The following MYO3B variants were observed in gnomAD, a reference collection of about 807,000 sequenced individuals.
MYO3B encodes the protein myosin-IIIb.
A neutral mutation model predicts 174.6 loss-of-function variants in MYO3B; 156 were observed. That is an observed-to-expected ratio of 0.89 (90% CI 0.78 to 1.02). The LOEUF is 1.02. Among genes scored for constraint, MYO3B ranks in the 50% least tolerant of loss-of-function variants. The pLI, the probability that MYO3B is intolerant of heterozygous loss-of-function variation, is 0.00. For missense variants in MYO3B, 1,632 were observed against 1,639.4 expected, an observed-to-expected ratio of 1.00 and a Z score of 0.08; for synonymous variants, 563 against 569.1, an observed-to-expected ratio of 0.99 and a Z score of 0.15.
At chr2:170,434,377 T>G (rs1476853584) in intron 22 of MYO3B, among the ~76,000 whole-genome samples, 1 of 152,168 alleles carries the variant, frequency 6.6e-6, no homozygotes, top group Non-Finnish European at 1.5e-5. Context: ...GGCAAGGTAC[T>G]TCTGTATAGA....
At chr2:170,210,582 G>A (rs1364078821) in intron 3 of MYO3B, among the ~76,000 whole-genome samples, 1 of 152,120 alleles carries the variant, frequency 6.6e-6, no homozygotes, top group East Asian at 1.9e-4. Context: ...AATTCCTTAT[G>A]TCCCCAGGCC....
At chr2:170,405,669 G>T (rs372556788) in intron 21 of MYO3B, 36 bp downstream of exon 21, 3 of 1,582,346 alleles carry the variant, frequency 1.9e-6, no homozygotes, top group African/African-American at 1.4e-5. Context: ...ACCTGAATTT[G>T]GCAAAGGGTA....
chr2:170,217,529 G>A (rs2092844090), intron 6 of MYO3B, 134 bp downstream of exon 6: 2 of 778,240 alleles, frequency 2.6e-6, no homozygotes, highest in African/African-American at 1.7e-5. Context: ...AACTTTAAGA[G>A]TACTAGTTTG....
intron 30 of MYO3B, among the ~76,000 whole-genome samples, chr2:170,532,157 A>C (rs1689394396): frequency 6.6e-6 from 1 of 152,236 alleles, no homozygotes; most frequent in Non-Finnish European, 1.5e-5. Flanking sequence ...ACTTTTGTGG[A>C]TTTCTTGCCA....
chr2:170,358,218 A>G (rs928509647), intron 8 of MYO3B, among the ~76,000 whole-genome samples: 1 of 152,166 alleles, frequency 6.6e-6, no homozygotes, highest in African/African-American at 2.4e-5. Context: ...AGACGGATCA[A>G]CAAAATGTGG....
At chr2:170,592,661 T>G (rs1693887795) in intron 32 of MYO3B, among the ~76,000 whole-genome samples, 1 of 152,180 alleles carries the variant, frequency 6.6e-6, no homozygotes, top group African/African-American at 2.4e-5. Flanking sequence ...TCACTGACCA[T>G]AAGGTTCATG....
At chr2:170,461,911 G>A (rs1238230735) in intron 23 of MYO3B, among the ~76,000 whole-genome samples, 2 of 152,210 alleles carry the variant, frequency 1.3e-5, no homozygotes, top group African/African-American at 4.8e-5. Context: ...TTACAATTTA[G>A]CCAAAGGCTG....
chr2:170,622,729 C>G (rs997386413), intron 32 of MYO3B, among the ~76,000 whole-genome samples: 7 of 130,886 alleles, frequency 5.3e-5, no homozygotes, highest in Admixed American at 1.6e-4. Context: ...CCCCTCCCCC[C>G]ACCCCACAAC....
intron 6 of MYO3B, among the ~76,000 whole-genome samples, chr2:170,221,022 C>T (rs1009304046): frequency 6.6e-6 from 1 of 152,136 alleles, no homozygotes; most frequent in African/African-American, 2.4e-5. Flanking sequence ...CAAGAACAAC[C>T]TTCCATTTTT....
In MYO3B at chr2:170,557,326, A is replaced by C. The variant is rs556908365; in HGVS notation, c.3733+13338A>C. 1.8e-3 allele frequency among the ~76,000 whole-genome samples: 280 copies of C among 151,736 alleles called. 2 individuals carry two copies. The highest frequency in any genetic ancestry group is 5.0e-3 in the African/African-American group (208 of 41,374). On this transcript the variant is annotated intron_variant, in intron 32 of 34. Coordinates refer to ENST00000408978, the MANE Select transcript of MYO3B (RefSeq NM_138995.5). ...AGCTAATTTCTTGTATTTTTAGTAGAGATGGGGTTTCACTGTGTTAGCCAG... is the reference window on the plus strand; with the variant it reads ...AGCTAATTTCTTGTATTTTTAGTAGCGATGGGGTTTCACTGTGTTAGCCAG...
rs188028188 is a variant in MYO3B, at chr2:170,649,733, A to G, written c.3734-1895A>G. Reference sequence around the variant, plus strand: ...TCCCAGCTACTTGGGAGGCTGAGGCAGGAGAATAGCTTGAACCTGGGAGGT... The same window carrying G: ...TCCCAGCTACTTGGGAGGCTGAGGCGGGAGAATAGCTTGAACCTGGGAGGT... On this transcript the variant is annotated intron_variant, in intron 32 of 34. Coordinates refer to ENST00000408978, the MANE Select transcript of MYO3B (RefSeq NM_138995.5). Among the ~76,000 whole-genome samples the G allele has an allele frequency of 6.7e-3, 999 of 149,166 alleles. 9 individuals are homozygous for G. Among genetic ancestry groups the G allele is most frequent in the Non-Finnish European group, 8.7e-3 (589 of 67,540 alleles).
At chr2:170,463,617 C>A (rs925908296) in intron 24 of MYO3B, among the ~76,000 whole-genome samples, 172 bp downstream of exon 24, 8 of 152,162 alleles carry the variant, frequency 5.3e-5, no homozygotes, top group African/African-American at 1.9e-4. Context: ...GGCACAAAAC[C>A]CTGCCCATTA....
In MYO3B at chr2:170,654,140, A is replaced by G. The variant is rs1699162103; in HGVS notation, c.*1019A>G. Reference sequence around the variant, plus strand: ...CATACACTATAACCTCTGATTTTTCACTCAAGTTTGGGCTGATTATATTGT... The same window carrying G: ...CATACACTATAACCTCTGATTTTTCGCTCAAGTTTGGGCTGATTATATTGT... On this transcript the variant is annotated 3_prime_UTR_variant, in exon 35 of 35. Coordinates refer to ENST00000408978, the MANE Select transcript of MYO3B (RefSeq NM_138995.5). 1 of 152,080 alleles carries G rather than the reference A, an allele frequency of 6.6e-6. No homozygotes were observed. Among genetic ancestry groups the G allele is most frequent in the Non-Finnish European group, 1.5e-5 (1 of 67,996 alleles). The allele number at this position is 152,080 out of a possible 1,614,324, so 9.4% of individuals were successfully genotyped here. A position where few individuals can be genotyped will look rare whatever the true frequency, so the allele number is the denominator to read the frequency against.
intron 32 of MYO3B, among the ~76,000 whole-genome samples, chr2:170,616,537 G>C (rs1695473306): frequency 2.0e-5 from 3 of 152,134 alleles, no homozygotes; most frequent in Admixed American, 2.0e-4. Flanking sequence ...CATAGCAACA[G>C]TTTCAGGGGG....
chr2:170,612,796 T>G (rs1440340554), intron 32 of MYO3B, among the ~76,000 whole-genome samples: 1 of 152,162 alleles, frequency 6.6e-6, no homozygotes, highest in African/African-American at 2.4e-5. Flanking sequence ...TTTGTTAAAT[T>G]CCCTAATACT....
chr2:170,623,259 G>C (rs1014428293), intron 32 of MYO3B, among the ~76,000 whole-genome samples: 1 of 152,104 alleles, frequency 6.6e-6, no homozygotes, highest in Non-Finnish European at 1.5e-5. Context: ...TTTAATGATT[G>C]CCATTCTAAC....
intron 28 of MYO3B, among the ~76,000 whole-genome samples, chr2:170,505,496 A>G (rs1575088286): frequency 6.6e-6 from 1 of 152,210 alleles, no homozygotes; most frequent in African/African-American, 2.4e-5. Flanking sequence ...CCTTGATTCC[A>G]TTACTAATCT....
intron 7 of MYO3B, among the ~76,000 whole-genome samples, chr2:170,326,785 G>T (rs964643147): frequency 3.9e-5 from 6 of 152,184 alleles, no homozygotes; most frequent in African/African-American, 1.4e-4. Flanking sequence ...AGTGGTCAAG[G>T]ATTAATAGAG....
chr2:170,515,327 A>G (rs956940670), intron 29 of MYO3B, among the ~76,000 whole-genome samples: 17 of 152,172 alleles, frequency 1.1e-4, no homozygotes, highest in African/African-American at 3.6e-4. Flanking sequence ...CTTCGCCTTA[A>G]CCTGTCCTCT....
Sources: allele counts gnomAD v4.1 joint callset (sites outside exome capture counted in the v4.1 genomes callset), GRCh38; gene constraint gnomAD v4.1.1; transcripts MANE v1.5; gene names NCBI Gene and HGNC (gene_info 2026-07-23, HGNC 2026-07-21).